Variants in USP44 observed in about 807,000 individuals in gnomAD.
USP44 encodes the protein ubiquitin specific peptidase 44.
In USP44, 61 loss-of-function variants were observed where a neutral mutation model predicts 69.0. That is an observed-to-expected ratio of 0.88 (90% CI 0.72 to 1.09). The LOEUF (loss-of-function observed/expected upper bound fraction) is 1.09. Ranked by LOEUF, USP44 falls within the 50% of genes least tolerant of loss-of-function variation. The pLI, the probability that USP44 is intolerant of heterozygous loss-of-function variation, is 0.00. For synonymous variants in USP44, 297 were observed against 295.4 expected (o/e 1.01, Z -0.06); for missense variants, 753 against 849.9 (o/e 0.89, Z 1.42).
chr12:95,530,676 T>TAGAC (rs1370758201), intron 2 of USP44, among the ~76,000 whole-genome samples: 1 of 150,420 alleles, frequency 6.6e-6, no homozygotes, highest in African/African-American at 2.5e-5. Context: ...GATAGATAGA[T>TAGAC]AGATAGATAG....
At chr12:95,531,880 T>TATG (rs2077031609) in intron 2 of USP44, among the ~76,000 whole-genome samples, 1 of 152,216 alleles carries the variant, frequency 6.6e-6, no homozygotes, top group African/African-American at 2.4e-5. Context: ...TTATGTCTAT[T>TATG]AACAGTTCAC....
intron 1 of USP44, among the ~76,000 whole-genome samples, chr12:95,534,754 C>T (rs1183639063): frequency 6.6e-6 from 1 of 151,176 alleles, no homozygotes; most frequent in Non-Finnish European, 1.5e-5. Flanking sequence ...CAGCTCACTG[C>T]AACCCCTGCC....
At chr12:95,524,610 T>A (rs911117147) in intron 4 of USP44, 70 bp downstream of exon 4, 2 of 1,174,458 alleles carry the variant, frequency 1.7e-6, no homozygotes, top group African/African-American at 3.1e-5. Flanking sequence ...AATTATAACA[T>A]GCATTCTTTA....
At chr12:95,518,960 CT>C (rs1404486289) in intron 5 of USP44, among the ~76,000 whole-genome samples, 1 of 151,850 alleles carries the variant, frequency 6.6e-6, no homozygotes, top group African/African-American at 2.4e-5. Flanking sequence ...CAAACCAAAA[CT>C]TTTTGTGCCA....
chr12:95,535,564 C>A (rs1488936299), intron 1 of USP44: 1 of 152,084 alleles, frequency 6.6e-6, no homozygotes, highest in Admixed American at 6.6e-5. Flanking sequence ...TTCTAGCAGG[C>A]CTAAACCTAT....
At chr12:95,529,166 AT>A (rs2076943562) in intron 2 of USP44, among the ~76,000 whole-genome samples, 164 bp from the exon 3 acceptor site, 1 of 152,072 alleles carries the variant, frequency 6.6e-6, no homozygotes, top group Admixed American at 6.6e-5. Flanking sequence ...TTTCATTATG[AT>A]TTTTCCTTCC....
chr12:95,528,955 G>T lies in USP44; in HGVS notation c.1476C>A (p.Phe492Leu). ...CDNKSNTIEP[F>L]WDLSLEFPER... ...CTGGAAACTCCAATGACAAGTCCCAGAAAGGTTCTATGGTATTTGATTTGT... is the reference window on the plus strand; with the variant it reads ...CTGGAAACTCCAATGACAAGTCCCATAAAGGTTCTATGGTATTTGATTTGT... Residue 492 changes from phenylalanine (F) to leucine (L), a missense_variant, in exon 3 of 6, where the codon TTC (phenylalanine) becomes TTA (leucine). Phe to Leu is a conservative substitution (Grantham distance 22). Coordinates refer to ENST00000258499, the MANE Select transcript of USP44 (RefSeq NM_032147.5). 1 of 1,613,850 alleles carries T rather than the reference G, an allele frequency of 6.2e-7. No individual in the cohort carries two copies. The highest frequency in any genetic ancestry group is 1.1e-5 in the South Asian group (1 of 91,050).
intron 1 of USP44, among the ~76,000 whole-genome samples, chr12:95,549,264 C>T (rs116478638): frequency 0.017 from 2,586 of 152,302 alleles, 66 homozygotes; most frequent in African/African-American, 0.057. Flanking sequence ...ACGTTTCCTT[C>T]TTGAAGCGAC....
chr12:95,520,701 G>A (rs568622768), intron 5 of USP44, among the ~76,000 whole-genome samples: 5 of 152,198 alleles, frequency 3.3e-5, no homozygotes, highest in East Asian at 3.9e-4. Context: ...GTAAACATAC[G>A]ATCTGCTTTT....
At chr12:95,540,739 ATT>A in intron 1 of USP44, among the ~76,000 whole-genome samples, 1 of 152,146 alleles carries the variant, frequency 6.6e-6, no homozygotes, top group East Asian at 1.9e-4. Flanking sequence ...AATGGATTTT[ATT>A]ATATTGTTCC....
chr12:95,550,890 C>T (rs1345801666), intron 1 of USP44, among the ~76,000 whole-genome samples: 1 of 151,910 alleles, frequency 6.6e-6, no homozygotes, highest in Non-Finnish European at 1.5e-5. Flanking sequence ...GGAAGAGGTG[C>T]GGAGTGGGAA....
At chr12:95,535,296 C>T (rs1017366010) in intron 1 of USP44, 3 of 152,090 alleles carry the variant, frequency 2.0e-5, no homozygotes, top group Admixed American at 6.5e-5. Flanking sequence ...CTATAGTGAA[C>T]GAATCTTATT....
Position 95,522,436 on chromosome 12 carries a change from C to T in USP44, c.1734-1234G>A, listed in dbSNP as rs186782458. On this transcript the variant is annotated intron_variant, in intron 4 of 5. Coordinates refer to ENST00000258499, the MANE Select transcript of USP44 (RefSeq NM_032147.5). ...TGAAATATATATTTGGTTTTCCTTC[C>T]AGTTTCCTCAGATACATCTCCTAAA... 1.6e-3 allele frequency among the ~76,000 whole-genome samples: 243 copies of T among 152,142 alleles called. 3 individuals are homozygous for T. Among genetic ancestry groups the T allele is most frequent in the Middle Eastern group, 0.014 (4 of 294 alleles).
At chr12:95,527,842 T>C (rs1266824366) in intron 3 of USP44, among the ~76,000 whole-genome samples, 4 of 148,648 alleles carry the variant, frequency 2.7e-5, no homozygotes, top group African/African-American at 2.5e-5. Flanking sequence ...GATGCTTTTT[T>C]TTTTTTTTTT....
intron 1 of USP44, among the ~76,000 whole-genome samples, chr12:95,549,036 C>T (rs1009978859): frequency 1.3e-5 from 2 of 152,190 alleles, no homozygotes; most frequent in East Asian, 1.9e-4. Context: ...ACTGCCTCCC[C>T]GGGCGGGCTT....
chr12:95,521,564 C>T (rs955927947), intron 4 of USP44, among the ~76,000 whole-genome samples: 2 of 152,126 alleles, frequency 1.3e-5, no homozygotes, highest in Non-Finnish European at 2.9e-5. Flanking sequence ...TGCAGTGGTG[C>T]GATCTTGGCT....
In USP44 at chr12:95,518,352, C is replaced by T; in HGVS notation, c.1941G>A (p.Gly647=). 1 of 1,613,910 alleles carries T rather than the reference C, an allele frequency of 6.2e-7. No individual in the cohort carries two copies. The highest frequency in any genetic ancestry group is 8.5e-7 in the Non-Finnish European group (1 of 1,179,950). The part of the protein sequence containing the change: ...YTAYCYNSEG[G]FWVHCNDSKL... ...TGGAATCATTGCAGTGTACCCAGAA[C>T]CCTAGAGTGAAGCACAGAAATACAT... Residue 647 remains glycine (G), a splice_region_variant and synonymous_variant, in exon 6 of 6, where the codon GGG becomes GGA. Coordinates refer to ENST00000258499, the MANE Select transcript of USP44 (RefSeq NM_032147.5).
intron 2 of USP44, 65 bp from the exon 3 acceptor site, chr12:95,529,067 T>A: frequency 7.2e-7 from 1 of 1,379,792 alleles, no homozygotes; most frequent in Non-Finnish European, 9.6e-7. Flanking sequence ...CTCTTTTCAC[T>A]AGAGGTCACT....
chr12:95,524,910 C>T (rs1432338858), intron 3 of USP44, 122 bp from the exon 4 acceptor site: 18 of 925,330 alleles, frequency 1.9e-5, no homozygotes, highest in African/African-American at 1.0e-4. Context: ...AGGCATTGTA[C>T]TGTGCTAGAG....
Sources: gnomAD v4.1 joint callset for allele counts (sites outside exome capture counted in the v4.1 genomes callset) on GRCh38, gnomAD v4.1.1 for gene constraint, MANE v1.5 for transcripts, NCBI Gene and HGNC (gene_info 2026-07-23, HGNC 2026-07-21) for gene names.